The following NEUROD6 variants were observed in gnomAD, a reference collection of about 807,000 sequenced individuals.
NEUROD6 encodes the protein neurogenic differentiation factor 6.
Under a neutral mutation model 24.1 loss-of-function variants are expected in NEUROD6, and 5 were observed. The observed-to-expected ratio is 0.21, with a 90% CI of 0.11 to 0.44. The LOEUF (loss-of-function observed/expected upper bound fraction) is 0.44. Among genes scored for constraint, NEUROD6 ranks in the 20% least tolerant of loss-of-function variants. The probability of loss-of-function intolerance (pLI) is 0.99; values close to 1 mark genes in which losing one functional copy is unlikely to be tolerated. For synonymous variants in NEUROD6, 182 were observed against 154.1 expected, an observed-to-expected ratio of 1.18 and a Z score of -1.34; for missense variants, 325 against 409.5, an observed-to-expected ratio of 0.79 and a Z score of 1.78.
At chr7:31,339,467 C>T (rs1783101902) in intron 1 of NEUROD6, among the ~76,000 whole-genome samples, 178 bp from the exon 2 acceptor site, 1 of 152,014 alleles carries the variant, frequency 6.6e-6, no homozygotes, top group Non-Finnish European at 1.5e-5. Context: ...ATTATGAAGA[C>T]ATTGATGCAT....
Position 31,338,492 on chromosome 7 carries a change from G to A in NEUROD6, c.777C>T (p.Pro259=). 1 of 1,614,034 alleles carries A rather than the reference G, an allele frequency of 6.2e-7. No individual in the cohort carries two copies. The highest frequency in any genetic ancestry group is 8.5e-7 in the Non-Finnish European group (1 of 1,179,976). ...TATAGTTAATTGGGGGAGGACTTAA[G>A]GGACCTTCAAACTGAGGGCTGGCAC... is the stretch of plus-strand genomic sequence containing the variant. The part of the protein sequence containing the change: ...PECASPQFEG[P]LSPPPINYNG... Residue 259 remains proline, a synonymous_variant, in exon 2 of 2, where the codon CCC becomes CCT. Transcript: ENST00000297142. This position sits in a 1 kb window ranked among gnomAD's most constrained non-coding sequence, Gnocchi z 5.1.
In NEUROD6 at chr7:31,338,372, G is replaced by A. The variant is rs1387302016; in HGVS notation, c.897C>T (p.Pro299=). The A allele has an allele frequency of 1.2e-6, 2 of 1,614,148 alleles. No individual in the cohort carries two copies. The highest frequency in any genetic ancestry group is 8.5e-7 in the Non-Finnish European group (1 of 1,180,034). Residue 299 remains proline (P), a synonymous_variant, in exon 2 of 2, where the codon CCC becomes CCT. Coordinates refer to ENST00000297142, the MANE Select transcript of NEUROD6 (RefSeq NM_022728.4). The surrounding 1 kb of genome is among the most constrained non-coding windows in gnomAD (Gnocchi z 5.1). ...ACCTGAACATGGCACCCTGCCCAAG[G>A]GGACCCCTGGGTGGCACTGCACAGT... ...MHYCAVPPRG[P]LGQGAMFRLP...
rs770530978 is a variant in NEUROD6, at chr7:31,338,602, C to T, written c.667G>A (p.Gly223Arg). 7.4e-6 allele frequency: 12 copies of T among 1,613,880 alleles called. No homozygotes were observed. Among genetic ancestry groups the T allele is most frequent in the Admixed American group, 3.3e-5 (2 of 59,992 alleles). ...ATGGACTTGGAATTATCAAGAGTCC[C>T]ATGCCCTGGGGGAGTGGTGAGCTCA... The part of the protein sequence containing the change: ...SPELTTPPGH[G>R]TLDNSKSMKP... Residue 223 changes from glycine (G) to arginine (R), a missense_variant, in exon 2 of 2, where the codon GGG (glycine) becomes AGG (arginine). By Grantham distance (125) the Gly-to-Arg change is moderately radical (BLOSUM62 -2). This residue lies in a region of NEUROD6 where 175 missense variants were observed against 201.3 expected (regional missense o/e 0.87). Transcript: ENST00000297142. This position sits in a 1 kb window ranked among gnomAD's most constrained non-coding sequence, Gnocchi z 5.1.
intron 1 of NEUROD6, among the ~76,000 whole-genome samples, chr7:31,340,136 G>A (rs554135008): frequency 1.1e-4 from 17 of 152,106 alleles, no homozygotes; most frequent in Non-Finnish European, 2.4e-4. Flanking sequence ...TTTGTTCTAC[G>A]AGCCATAGAA....
chr7:31,338,217 G>C lies in NEUROD6; in HGVS notation c.*38C>G, dbSNP rs1228443324. 6.5e-7 allele frequency: 1 copy of C among 1,539,700 alleles called. No homozygotes were observed. The highest frequency in any genetic ancestry group is 2.3e-5 in the East Asian group (1 of 44,302). On this transcript the variant is annotated 3_prime_UTR_variant, in exon 2 of 2. Transcript: ENST00000297142. This position sits in a 1 kb window ranked among gnomAD's most constrained non-coding sequence, Gnocchi z 5.1. ...CATCTGCTTTGTCTTAATTAGACAG[G>C]GGAGGTGAATGACCACTGTTTATTT... is the stretch of plus-strand genomic sequence containing the variant.
In NEUROD6 at chr7:31,339,075, C is replaced by A; in HGVS notation, c.194G>T (p.Arg65Met). The change falls in exon 2 of 2, where the codon AGG becomes ATG. Residue 65 changes from arginine to methionine, a missense_variant. Arg to Met is a moderately conservative substitution (Grantham distance 91). Coordinates refer to ENST00000297142, the MANE Select transcript of NEUROD6 (RefSeq NM_022728.4). ...CAACCCATTTTCATCTTCCTCTTCCCTGTCTTCCTCCTCTTCTTCTTTCTC... is the reference window on the plus strand; with the variant it reads ...CAACCCATTTTCATCTTCCTCTTCCATGTCTTCCTCCTCTTCTTCTTTCTC... The part of the protein sequence containing the change: ...ETEKEEEEED[R>M]EEEDENGLPR... 6.2e-7 allele frequency: 1 copy of A among 1,614,038 alleles called. No homozygotes were observed. Among genetic ancestry groups the A allele is most frequent in the East Asian group, 2.2e-5 (1 of 44,858 alleles).
intron 1 of NEUROD6, among the ~76,000 whole-genome samples, chr7:31,340,027 A>G (rs1783106627): frequency 6.6e-6 from 1 of 152,158 alleles, no homozygotes; most frequent in African/African-American, 2.4e-5. Flanking sequence ...ATTAAAAAAA[A>G]TAGAGACTGA....
chr7:31,339,076 T>A lies in NEUROD6; in HGVS notation c.193A>T (p.Arg65Trp). The stretch of plus-strand genomic sequence containing the variant: ...AACCCATTTTCATCTTCCTCTTCCC[T>A]GTCTTCCTCCTCTTCTTCTTTCTCG... ...ETEKEEEEED[R>W]EEEDENGLPR... The change falls in exon 2 of 2, where the codon AGG (arginine) becomes TGG (tryptophan). Residue 65 changes from arginine to tryptophan, a missense_variant. Arg to Trp is a moderately radical substitution (Grantham distance 101, BLOSUM62 -3). Transcript: ENST00000297142. The A allele has an allele frequency of 6.2e-7, 1 of 1,614,104 alleles. No homozygotes were observed. The highest frequency in any genetic ancestry group is 8.5e-7 in the Non-Finnish European group (1 of 1,180,004).
At position 31,338,674 on chromosome 7, in the gene NEUROD6, G is replaced by A. The variant is rs1301976862; in HGVS notation, c.595C>T (p.His199Tyr). ...LMGQGGEAAH[H>Y]TRSPYSTFYP... ...AAGGTAGAGTAGGGTGACCTTGTGT[G>A]GTGTGCAGCCTCCCCACCCTGACCC... The change falls in exon 2 of 2, where the codon CAC (histidine) becomes TAC (tyrosine). Residue 199 changes from histidine to tyrosine, a missense_variant. This residue lies in a region of NEUROD6 where 175 missense variants were observed against 201.3 expected (regional missense o/e 0.87). Transcript: ENST00000297142. The surrounding 1 kb of genome is among the most constrained non-coding windows in gnomAD (Gnocchi z 5.1). 2 of 1,613,994 alleles carry A rather than the reference G, an allele frequency of 1.2e-6. No homozygotes were observed. Among genetic ancestry groups the A allele is most frequent in the Non-Finnish European group, 1.7e-6 (2 of 1,180,032 alleles).
In NEUROD6 at chr7:31,339,357, T is replaced by G. The variant is rs886325859; in HGVS notation, c.-21-68A>C. ...AAAGTTTATACACTTAAAACATATTTAATTATTTAATCATAAGATTACAAA... is the reference window on the plus strand; with the variant it reads ...AAAGTTTATACACTTAAAACATATTGAATTATTTAATCATAAGATTACAAA... On this transcript the variant is annotated intron_variant, in intron 1 of 1. Transcript: ENST00000297142. 1.0e-5 allele frequency: 12 copies of G among 1,198,166 alleles called. No homozygotes were observed. The East Asian group carries it at 2.9e-4, about 29-fold the overall frequency. 74.2% of individuals were successfully genotyped at this position (1,198,166 alleles called of 1,614,324 possible).
Position 31,339,280 on chromosome 7 carries a change from C to A in NEUROD6, c.-12G>T, listed in dbSNP as rs768825546. On this transcript the variant is annotated 5_prime_UTR_variant, in exon 2 of 2. Coordinates refer to ENST00000297142, the MANE Select transcript of NEUROD6 (RefSeq NM_022728.4). ...GGTAGTGTTAACATGGTTCTCTAAT[C>A]TTAAATTACCTGAAAAAATGCCAGC... 6.4e-7 allele frequency: 1 copy of A among 1,565,188 alleles called. No homozygotes were observed.
Position 31,339,008 on chromosome 7 carries a change from C to T in NEUROD6, c.261G>A (p.Leu87=), listed in dbSNP as rs771495105. The change falls in exon 2 of 2, where the codon CTG becomes CTA. Residue 87 remains leucine, a synonymous_variant. Transcript: ENST00000297142. The part of the protein sequence containing the change: ...RGLRKKKTTK[L]RLERVKFRRQ... ...TCCTGAACTTGACCCTTTCCAATCG[C>T]AGCTTTGTTGTCTTTTTTTTCCTAA... 1 of 1,614,126 alleles carries T rather than the reference C, an allele frequency of 6.2e-7. No individual in the cohort carries two copies. The highest frequency in any genetic ancestry group is 8.5e-7 in the Non-Finnish European group (1 of 1,180,034).
Position 31,338,565 on chromosome 7 carries a change from T to G in NEUROD6, c.704A>C (p.Asn235Thr). 1 of 1,614,078 alleles carries G rather than the reference T, an allele frequency of 6.2e-7. No homozygotes were observed. Among genetic ancestry groups the G allele is most frequent in the South Asian group, 1.1e-5 (1 of 91,072 alleles). ...GAAGGATTCATACGCACTGCAATAA[T>G]TGTAGGGTTTCATGGACTTGGAATT... ...LDNSKSMKPY[N>T]YCSAYESFYE... The change falls in exon 2 of 2, where the codon AAT (asparagine) becomes ACT (threonine). Residue 235 changes from asparagine (N) to threonine (T), a missense_variant. Coordinates refer to ENST00000297142, the MANE Select transcript of NEUROD6 (RefSeq NM_022728.4). This position sits in a 1 kb window ranked among gnomAD's most constrained non-coding sequence, Gnocchi z 5.1.
chr7:31,338,858 T>C lies in NEUROD6; in HGVS notation c.411A>G (p.Arg137=), dbSNP rs771278005. The C allele has an allele frequency of 1.9e-6, 3 of 1,614,178 alleles. No homozygotes were observed. Among genetic ancestry groups the C allele is most frequent in the Non-Finnish European group, 2.5e-6 (3 of 1,180,034 alleles). ...GTGCCCAGATGTAGTTTTTGGCCAG[T>C]CGTAAAGTCTCTATTTTGGACAGTT... ...TQKLSKIETL[R]LAKNYIWALS... Residue 137 remains arginine, a synonymous_variant, in exon 2 of 2, where the codon CGA becomes CGG. Coordinates refer to ENST00000297142, the MANE Select transcript of NEUROD6 (RefSeq NM_022728.4). The surrounding 1 kb of genome is among the most constrained non-coding windows in gnomAD (Gnocchi z 5.1).
chr7:31,339,240 A>G lies in NEUROD6; in HGVS notation c.29T>C (p.Val10Ala). 1 of 1,612,610 alleles carries G rather than the reference A, an allele frequency of 6.2e-7. No homozygotes were observed. The highest frequency in any genetic ancestry group is 8.5e-7 in the Non-Finnish European group (1 of 1,179,564). MLTLPFDES[V>A]VMPESQMCRK... is the part of the protein sequence containing the mutation. ...GCACATCTGGGATTCTGGCATTACA[A>G]CAGACTCATCAAACGGTAGTGTTAA... is the stretch of plus-strand genomic sequence containing the variant. Residue 10 changes from valine to alanine, a missense_variant, in exon 2 of 2, where the codon GTT becomes GCT. Val to Ala is a moderately conservative substitution (Grantham distance 64, BLOSUM62 0). This residue lies in a region of NEUROD6 where 109 missense variants were observed against 107.3 expected (regional missense o/e 1.02). Transcript: ENST00000297142.
chr7:31,339,176 A>G lies in NEUROD6; in HGVS notation c.93T>C (p.Ile31=). 1 of 1,613,792 alleles carries G rather than the reference A, an allele frequency of 6.2e-7. No individual in the cohort carries two copies. The highest frequency in any genetic ancestry group is 8.5e-7 in the Non-Finnish European group (1 of 1,179,998). ...FSRECEDQKQ[I]KKPESFSKQI... is the part of the protein sequence containing the mutation. ...GTTTGGAAAAGCTTTCTGGCTTCTT[A>G]ATTTGCTTCTGGTCCTCGCATTCTC... Residue 31 remains isoleucine, a synonymous_variant, in exon 2 of 2, where the codon ATT becomes ATC. Coordinates refer to ENST00000297142, the MANE Select transcript of NEUROD6 (RefSeq NM_022728.4).
At position 31,338,416 on chromosome 7, in the gene NEUROD6, A is replaced by G. The variant is rs1392665934; in HGVS notation, c.853T>C (p.Tyr285His). Residue 285 changes from tyrosine (Y) to histidine (H), a missense_variant, in exon 2 of 2, where the codon TAC (tyrosine) becomes CAC (histidine). Transcript: ENST00000297142. This position sits in a 1 kb window ranked among gnomAD's most constrained non-coding sequence, Gnocchi z 5.1. ...GCACAGTAATGCATGCCGTAATTGT[A>G]ATTTTTACCATAGTCCAAGGTTTCT... Reference protein sequence around the residue: ...QEETLDYGKNYNYGMHYCAVP... With the variant: ...QEETLDYGKNHNYGMHYCAVP... 1 of 1,613,992 alleles carries G rather than the reference A, an allele frequency of 6.2e-7. No individual in the cohort carries two copies. The highest frequency in any genetic ancestry group is 1.3e-5 in the African/African-American group (1 of 74,902).
At chr7:31,340,121 GTGTTTT>G (rs1276899740) in intron 1 of NEUROD6, among the ~76,000 whole-genome samples, 2 of 152,136 alleles carry the variant, frequency 1.3e-5, no homozygotes, top group African/African-American at 4.8e-5. Flanking sequence ...CACTCTCGTA[GTGTTTT>G]TGTTCTACGA....
chr7:31,340,399 CT>C (rs1024821262), intron 1 of NEUROD6, among the ~76,000 whole-genome samples, 193 bp downstream of exon 1: 7 of 152,264 alleles, frequency 4.6e-5, no homozygotes, highest in African/African-American at 1.7e-4. Context: ...CATACACAAA[CT>C]CTTAGTAATG....
Sources: gnomAD v4.1 joint callset for allele counts (sites outside exome capture counted in the v4.1 genomes callset) on GRCh38, gnomAD v4.1.1 for gene constraint, gnomAD v4.1.1 regional missense constraint, Gnocchi (gnomAD v3.1) non-coding constraint, MANE v1.5 for transcripts, NCBI Gene and HGNC (gene_info 2026-07-23, HGNC 2026-07-21) for gene names.